FHIP2A: variants seen among roughly 807,000 people sequenced by gnomAD.
The protein encoded by FHIP2A is family with sequence similarity 160 member B1.
FHIP2A carries 46 observed loss-of-function variants against 93.5 expected under a neutral mutation model. That is an observed-to-expected ratio of 0.49 (90% confidence interval 0.39 to 0.63). The LOEUF (loss-of-function observed/expected upper bound fraction) is 0.63, where lower values mean the gene tolerates loss of function less well. FHIP2A is among the 20% of genes least tolerant of loss of function. The pLI is 0.00. For missense variants in FHIP2A, 769 were observed against 909.7 expected, an observed-to-expected ratio of 0.85 and a Z score of 1.99; for synonymous variants, 332 against 326.5, an observed-to-expected ratio of 1.02 and a Z score of -0.18.
chr10:114,860,601 C>G, intron 14 of FHIP2A, 148 bp from the exon 15 acceptor site: 1 of 632,444 alleles, frequency 1.6e-6, no homozygotes. Context: ...ATCCGCCCGC[C>G]TCAGCCTCCC....
intron 16 of FHIP2A, among the ~76,000 whole-genome samples, chr10:114,893,073 G>A (rs963897258): frequency 1.3e-4 from 19 of 151,958 alleles, no homozygotes; most frequent in African/African-American, 4.4e-4. Context: ...TTACTTTAAT[G>A]ACATTAAACA....
chr10:114,839,868 C>T (rs1302004606), intron 5 of FHIP2A, among the ~76,000 whole-genome samples: 25 of 119,490 alleles, frequency 2.1e-4, no homozygotes, highest in African/African-American at 8.1e-4. Context: ...GGCGACAGAG[C>T]GAGACTCTGT....
intron 16 of FHIP2A, among the ~76,000 whole-genome samples, chr10:114,881,534 C>T (rs1000405872): frequency 6.6e-6 from 1 of 152,040 alleles, no homozygotes; most frequent in African/African-American, 2.4e-5. Context: ...TTGTCTGGGA[C>T]CTTCATTCCA....
At chr10:114,896,499 G>A (rs930631678) in intron 16 of FHIP2A, among the ~76,000 whole-genome samples, 12 of 152,144 alleles carry the variant, frequency 7.9e-5, no homozygotes, top group Non-Finnish European at 1.0e-4. Context: ...GGGCCCACAG[G>A]CCTCCCATTC....
At chr10:114,829,899 G>T (rs1322815314) in intron 1 of FHIP2A, among the ~76,000 whole-genome samples, 18 of 152,174 alleles carry the variant, frequency 1.2e-4, no homozygotes, top group Admixed American at 1.2e-3. Flanking sequence ...ATAATTTTGG[G>T]CATAAAACTT....
chr10:114,845,812 T>C (rs749090205), intron 8 of FHIP2A, among the ~76,000 whole-genome samples: 61 of 152,182 alleles, frequency 4.0e-4, no homozygotes, highest in Admixed American at 7.2e-4. Flanking sequence ...ATTCCTCTTA[T>C]TCTTGGAAAT....
chr10:114,822,149 G>T, intron 1 of FHIP2A, 26 bp downstream of exon 1: 1 of 1,282,130 alleles, frequency 7.8e-7, no homozygotes, highest in Admixed American at 3.1e-5. Flanking sequence ...GCGGGCGCAC[G>T]GCAGGCCGGG....
intron 1 of FHIP2A, among the ~76,000 whole-genome samples, chr10:114,826,311 G>A (rs1398143029): frequency 1.3e-5 from 2 of 152,206 alleles, no homozygotes; most frequent in African/African-American, 4.8e-5. Context: ...CTAGCCCATA[G>A]AGCCAGACAG....
intron 16 of FHIP2A, among the ~76,000 whole-genome samples, chr10:114,879,299 A>C (rs758297460): frequency 5.4e-4 from 83 of 152,298 alleles, no homozygotes; most frequent in South Asian, 2.3e-3. Context: ...CAAAACAAAC[A>C]AACAAACAAA....
At chr10:114,852,234 C>T (rs2083741522) in intron 13 of FHIP2A, among the ~76,000 whole-genome samples, 1 of 152,018 alleles carries the variant, frequency 6.6e-6, no homozygotes, top group Admixed American at 6.6e-5. Context: ...TATCAATGGC[C>T]CTCTTTTCTA....
Position 114,861,455 on chromosome 10 carries a change from T to G in FHIP2A, c.2213T>G (p.Leu738Arg). ...ACCAGTATTGACCACATCACACTGC[T>G]AGAGGGTGTGATTGTGTTAGAAGAG... The part of the protein sequence containing the change: ...EGPIIDHITL[L>R]EGVIVLEEFC... Residue 738 changes from leucine to arginine, a missense_variant, in exon 17 of 17, where the codon CTA (leucine) becomes CGA (arginine). Physicochemically the swap from Leu to Arg is moderately radical, Grantham distance 102. Coordinates refer to ENST00000369248, the MANE Select transcript of FHIP2A (RefSeq NM_020940.4). 1 of 1,614,132 alleles carries G rather than the reference T, an allele frequency of 6.2e-7. No individual in the cohort carries two copies. The highest frequency in any genetic ancestry group is 8.5e-7 in the Non-Finnish European group (1 of 1,179,984).
chr10:114,828,459 T>C (rs2083590151), intron 1 of FHIP2A, among the ~76,000 whole-genome samples: 1 of 152,234 alleles, frequency 6.6e-6, no homozygotes, highest in African/African-American at 2.4e-5. Flanking sequence ...GCATTTACAC[T>C]TAAGAAATTA....
chr10:114,850,902 T>G lies in FHIP2A; in HGVS notation c.1803+2165T>G, dbSNP rs1013304640. ...CACACAAAAGTTCTTAATTTTGTTT[T>G]TTTGTTTGTTTGTTTGTTGTTGTTG... On this transcript the variant is annotated intron_variant, in intron 13 of 16. Coordinates refer to ENST00000369248, the MANE Select transcript of FHIP2A (RefSeq NM_020940.4). Among the ~76,000 whole-genome samples the G allele has an allele frequency of 2.6e-5, 4 of 152,258 alleles. No homozygotes were observed. In the South Asian group the frequency reaches 6.2e-4, roughly 24 times the overall value.
intron 16 of FHIP2A, among the ~76,000 whole-genome samples, chr10:114,885,903 C>A (rs1379239082): frequency 6.6e-6 from 1 of 152,058 alleles, no homozygotes; most frequent in East Asian, 1.9e-4. Flanking sequence ...CTTTGTTTAC[C>A]CTGAGAGTTT....
At chr10:114,868,099 A>G (rs190818853), downstream of FHIP2A, among the ~76,000 whole-genome samples, 3 of 151,850 alleles carry the variant, frequency 2.0e-5, no homozygotes, top group East Asian at 5.8e-4. Flanking sequence ...AGCTATTTTT[A>G]TTTTTGTAGA....
Position 114,864,487 on chromosome 10 carries a change from A to T in FHIP2A, c.*2947A>T. 6.1e-6 allele frequency: 6 copies of T among 985,776 alleles called. No homozygotes were observed. The highest frequency in any genetic ancestry group is 7.2e-6 in the Non-Finnish European group (6 of 829,884). The allele number at this position is 985,776 out of a possible 1,614,324, so 61.1% of individuals were successfully genotyped here. On this transcript the variant is annotated 3_prime_UTR_variant, in exon 17 of 17. Coordinates refer to ENST00000369248, the MANE Select transcript of FHIP2A (RefSeq NM_020940.4). ...CTGTTTTGCCTCCTGCCTTGTTTACATTAAACAGGATATTTGGTAAATTTT... is the reference window on the plus strand; with the variant it reads ...CTGTTTTGCCTCCTGCCTTGTTTACTTTAAACAGGATATTTGGTAAATTTT...
intron 12 of FHIP2A, 31 bp from the exon 13 acceptor site, chr10:114,848,616 T>A: frequency 8.1e-7 from 1 of 1,238,182 alleles, no homozygotes; most frequent in South Asian, 1.3e-5. Context: ...CAAATGGACA[T>A]CTTGCATAAT....
chr10:114,862,518 G>A lies in FHIP2A; in HGVS notation c.*978G>A, dbSNP rs1004134426. The A allele has an allele frequency of 3.0e-6, 3 of 987,224 alleles. No homozygotes were observed. Among genetic ancestry groups the A allele is most frequent in the Middle Eastern group, 2.8e-4 (1 of 3,568 alleles). 61.2% of individuals were successfully genotyped at this position (987,224 alleles called of 1,614,324 possible). On this transcript the variant is annotated 3_prime_UTR_variant, in exon 17 of 17. Coordinates refer to ENST00000369248, the MANE Select transcript of FHIP2A (RefSeq NM_020940.4). Reference sequence around the variant, plus strand: ...CGATGTTTACATTTTTTTCTATTTTGTTCAGTCTTTTGTTTTAAATGATTC... The same window carrying A: ...CGATGTTTACATTTTTTTCTATTTTATTCAGTCTTTTGTTTTAAATGATTC...
At chr10:114,825,202 G>A (rs1769673618) in intron 1 of FHIP2A, among the ~76,000 whole-genome samples, 2 of 152,074 alleles carry the variant, frequency 1.3e-5, no homozygotes, top group South Asian at 4.1e-4. Context: ...ATTTTTTGTA[G>A]ACACTGGGCC....
Sources: gnomAD v4.1 joint callset for allele counts (sites outside exome capture counted in the v4.1 genomes callset) on GRCh38, gnomAD v4.1.1 for gene constraint, MANE v1.5 for transcripts, NCBI Gene and HGNC (gene_info 2026-07-23, HGNC 2026-07-21) for gene names.